DDN: variants seen among roughly 807,000 people sequenced by gnomAD.
DDN encodes dendrin.
DDN carries 4 observed loss-of-function variants against 7.3 expected under a neutral mutation model. That is an observed-to-expected ratio of 0.55 (90% CI 0.27 to 1.25). The LOEUF is 1.25. Among genes scored for constraint, DDN ranks in the 50% most tolerant of loss-of-function variants. DDN has a pLI of 0.12. For synonymous variants in DDN, 425 were observed against 424.3 expected (o/e 1.00, Z -0.02); for missense variants, 933 against 974.7 (o/e 0.96, Z 0.57).
At position 48,996,928 on chromosome 12, in the gene DDN, C is replaced by T. The variant is rs1941213462; in HGVS notation, c.1948G>A (p.Gly650Ser). Residue 650 changes from glycine (G) to serine (S), a missense_variant, in exon 2 of 2, where the codon GGC becomes AGC. Gly to Ser is a moderately conservative substitution (Grantham distance 56). Transcript: ENST00000421952. ...GTCCTCTCATTCCGCCAGGAGGCGC[C>T]CGGGGCTTCTGTGTCGCTTCCATCA... Reference protein sequence around the residue: ...SSDGSDTEAPGASWRNERTLP... With the variant: ...SSDGSDTEAPSASWRNERTLP... 3 of 1,602,632 alleles carry T rather than the reference C, an allele frequency of 1.9e-6. No individual in the cohort carries two copies. Among genetic ancestry groups the T allele is most frequent in the Non-Finnish European group, 1.7e-6 (2 of 1,174,134 alleles).
At chr12:48,999,015 C>T in intron 1 of DDN, 64 bp downstream of exon 1, 1 of 1,552,318 alleles carries the variant, frequency 6.4e-7, no homozygotes, top group South Asian at 1.1e-5. Context: ...CTGGTGCCTG[C>T]GGGGAGGTCC....
chr12:48,996,496 G>C lies in DDN; in HGVS notation c.*244C>G, dbSNP rs1262098777. 5.3e-6 allele frequency: 3 copies of C among 568,284 alleles called. No individual in the cohort carries two copies. Among genetic ancestry groups the C allele is most frequent in the Non-Finnish European group, 8.6e-6 (3 of 349,654 alleles). The allele number at this position is 568,284 out of a possible 1,614,324, so 35.2% of individuals were successfully genotyped here. On this transcript the variant is annotated 3_prime_UTR_variant, in exon 2 of 2. Coordinates refer to ENST00000421952, the MANE Select transcript of DDN (RefSeq NM_015086.2). ...CCACACCCAGTGCATCAGCCCCTGC[G>C]AAGAGCTCACCCTTGTGCCCTGAAC...
rs1298364633 is a variant in DDN, at chr12:48,998,003, T to C, written c.873A>G (p.Gln291=). 3.1e-6 allele frequency: 5 copies of C among 1,613,524 alleles called. No individual in the cohort carries two copies. Among genetic ancestry groups the C allele is most frequent in the Non-Finnish European group, 4.2e-6 (5 of 1,180,010 alleles). The change falls in exon 2 of 2, where the codon CAA becomes CAG. Residue 291 remains glutamine (Q), a synonymous_variant. Coordinates refer to ENST00000421952, the MANE Select transcript of DDN (RefSeq NM_015086.2). ...VLGAWGLRQG[Q]GLLGGSPGCG... is the part of the protein sequence containing the mutation. ...AGCCTGGGGATCCCCCCAAGAGACC[T>C]TGCCCCTGTCGGAGACCCCAAGCCC... is the stretch of plus-strand genomic sequence containing the variant.
In DDN at chr12:48,997,841, T is replaced by C. The variant is rs1481576286; in HGVS notation, c.1035A>G (p.Ile345Met). 6.2e-6 allele frequency: 10 copies of C among 1,613,728 alleles called. No homozygotes were observed. In the South Asian group the frequency reaches 1.1e-4, roughly 18 times the overall value. Residue 345 changes from isoleucine to methionine, a missense_variant, in exon 2 of 2, where the codon ATA becomes ATG. Physicochemically the swap from Ile to Met is conservative, Grantham distance 10 (BLOSUM62 1). Transcript: ENST00000421952. The part of the protein sequence containing the change: ...AKATGSAGTE[I>M]APAGSATAAP... ...CCGCAGTTGCAGACCCCGCAGGAGC[T>C]ATCTCGGTGCCTGCGCTCCCTGTAG... is the stretch of plus-strand genomic sequence containing the variant.
rs1212588523 is a variant in DDN at position 48,998,661 on chromosome 12, C to T, written c.215G>A (p.Gly72Glu). Residue 72 changes from glycine to glutamate, a missense_variant, in exon 2 of 2, where the codon GGG becomes GAG. By Grantham distance (98) the Gly-to-Glu change is moderately conservative. Transcript: ENST00000421952. ...CGGCTGTGGGGATCCCGGGCGCGGC[C>T]CACACCTGGGACAATGAGCAGGAAC... is the stretch of plus-strand genomic sequence containing the variant. ...WARGFQNRTC[G>E]PRPGSPQPPP... The T allele has an allele frequency of 6.6e-7, 1 of 1,506,590 alleles. No homozygotes were observed. Among genetic ancestry groups the T allele is most frequent in the African/African-American group, 1.4e-5 (1 of 70,458 alleles). The allele number at this position is 1,506,590 out of a possible 1,614,324, so 93.3% of individuals were successfully genotyped here.
Position 48,999,186 on chromosome 12 carries a change from C to A in DDN, c.102G>T (p.Leu34Phe). 1 of 1,613,290 alleles carries A rather than the reference C, an allele frequency of 6.2e-7. No individual in the cohort carries two copies. The highest frequency in any genetic ancestry group is 8.5e-7 in the Non-Finnish European group (1 of 1,179,680). ...AGGAAATAGTCTTCACTTCTATCAC[C>A]AATAGCTTGGACTTCTGCACCCAGA... ...SCLWVQKSKL[L>F]VIEVKTISCH... is the part of the protein sequence containing the mutation. Residue 34 changes from leucine to phenylalanine, a missense_variant, in exon 1 of 2, where the codon TTG becomes TTT. By Grantham distance (22) the Leu-to-Phe change is conservative (BLOSUM62 0). Coordinates refer to ENST00000421952, the MANE Select transcript of DDN (RefSeq NM_015086.2).
intron 1 of DDN, 21 bp downstream of exon 1, chr12:48,999,058 C>T (rs1279102256): frequency 6.2e-7 from 1 of 1,613,586 alleles, no homozygotes; most frequent in East Asian, 2.2e-5. Context: ...ACTCTCTTCC[C>T]CTCACCCCTG....
In DDN at chr12:48,999,330, CA is replaced by C; in HGVS notation, c.-44del. On this transcript the variant is annotated 5_prime_UTR_variant, in exon 1 of 2. Transcript: ENST00000421952. Reference sequence around the variant, plus strand: ...CGGCCCCCCACCCTCCCACCCGCCCCAGGAGCCCCCTCCCAGCCCAGGGAGC... The same window carrying C: ...CGGCCCCCCACCCTCCCACCCGCCCCGGAGCCCCCTCCCAGCCCAGGGAGC... 1 of 1,485,294 alleles carries C rather than the reference CA, an allele frequency of 6.7e-7. No individual in the cohort carries two copies. Among genetic ancestry groups the C allele is most frequent in the Non-Finnish European group, 8.9e-7 (1 of 1,118,820 alleles). 92.0% of individuals were successfully genotyped at this position (1,485,294 alleles called of 1,614,324 possible).
At position 48,996,967 on chromosome 12, in the gene DDN, G is replaced by A; in HGVS notation, c.1909C>T (p.His637Tyr). Residue 637 changes from histidine (H) to tyrosine (Y), a missense_variant, in exon 2 of 2, where the codon CAT (histidine) becomes TAT (tyrosine). His to Tyr is a moderately conservative substitution (Grantham distance 83). Coordinates refer to ENST00000421952, the MANE Select transcript of DDN (RefSeq NM_015086.2). The stretch of plus-strand genomic sequence containing the variant: ...TCGCTTCCATCAGAGGAGCCGCTAT[G>A]GACGCTGAGCTCCTCAGCTTCGTCC... ...DTDEAEELSV[H>Y]SGSSDGSDTE... 1.3e-6 allele frequency: 2 copies of A among 1,575,590 alleles called. No homozygotes were observed. Among genetic ancestry groups the A allele is most frequent in the South Asian group, 2.3e-5 (2 of 87,872 alleles).
chr12:48,998,580 G>A lies in DDN; in HGVS notation c.296C>T (p.Ala99Val). 1 of 1,588,988 alleles carries A rather than the reference G, an allele frequency of 6.3e-7. No individual in the cohort carries two copies. The highest frequency in any genetic ancestry group is 8.5e-7 in the Non-Finnish European group (1 of 1,175,246). ...RVLQEATNWRAGPLAEVRARE... is the reference protein window; with the variant it reads ...RVLQEATNWRVGPLAEVRARE... ...AGCTCGGACCTCGGCCAGGGGCCCC[G>A]CCCGCCAGTTGGTCGCCTCCTGCAG... Residue 99 changes from alanine to valine, a missense_variant, in exon 2 of 2, where the codon GCG becomes GTG. Physicochemically the swap from Ala to Val is moderately conservative, Grantham distance 64 (BLOSUM62 0). Transcript: ENST00000421952.
At position 48,996,152 on chromosome 12, in the gene DDN, T is replaced by G. The variant is rs1421481811; in HGVS notation, c.*588A>C. The G allele has an allele frequency of 1.3e-5, 2 of 152,362 alleles. No homozygotes were observed. The highest frequency in any genetic ancestry group is 4.8e-5 in the African/African-American group (2 of 41,424). 9.4% of individuals were successfully genotyped at this position (152,362 alleles called of 1,614,324 possible). On this transcript the variant is annotated 3_prime_UTR_variant, in exon 2 of 2. Transcript: ENST00000421952. ...AGGATGGACCTTAGAATACCATCAT[T>G]TTATATACCAGGAGGCCTGGAGGCC...
At chr12:48,998,925 C>G (rs539195563) in intron 1 of DDN, among the ~76,000 whole-genome samples, 154 bp downstream of exon 1, 12 of 152,318 alleles carry the variant, frequency 7.9e-5, no homozygotes, top group African/African-American at 2.9e-4. Context: ...CCCCAAACAA[C>G]GGGATGAGTC....
In DDN at chr12:48,996,866, A is replaced by T; in HGVS notation, c.2010T>A (p.Asp670Glu). 1.9e-6 allele frequency: 3 copies of T among 1,614,144 alleles called. No individual in the cohort carries two copies. The highest frequency in any genetic ancestry group is 2.5e-6 in the Non-Finnish European group (3 of 1,180,024). The change falls in exon 2 of 2, where the codon GAT (aspartate) becomes GAA (glutamate). Residue 670 changes from aspartate (D) to glutamate (E), a missense_variant. By Grantham distance (45) the Asp-to-Glu change is conservative. Coordinates refer to ENST00000421952, the MANE Select transcript of DDN (RefSeq NM_015086.2). ...TGTCGCTCAGTTCCGCTGTCTTCCC[A>T]TCTTCCTCTGGCGAACTGTTTCCAA... is the stretch of plus-strand genomic sequence containing the variant. Reference protein sequence around the residue: ...PEVGNSSPEEDGKTAELSDSV... With the variant: ...PEVGNSSPEEEGKTAELSDSV...
In DDN at chr12:48,998,256, A is replaced by G; in HGVS notation, c.620T>C (p.Leu207Pro). 6.2e-7 allele frequency: 1 copy of G among 1,610,632 alleles called. No individual in the cohort carries two copies. The highest frequency in any genetic ancestry group is 8.5e-7 in the Non-Finnish European group (1 of 1,178,812). Residue 207 changes from leucine (L) to proline (P), a missense_variant, in exon 2 of 2, where the codon CTG becomes CCG. Physicochemically the swap from Leu to Pro is moderately conservative, Grantham distance 98 (BLOSUM62 -3). Coordinates refer to ENST00000421952, the MANE Select transcript of DDN (RefSeq NM_015086.2). ...RPGPPSYEAHLLLRGSAGTAP... is the reference protein window; with the variant it reads ...RPGPPSYEAHPLLRGSAGTAP... ...GGTCCCGGCAGAACCTCTCAGCAGC[A>G]GGTGAGCCTCGTAGCTTGGGGGCCC...
chr12:48,999,184 A>G lies in DDN; in HGVS notation c.104T>C (p.Val35Ala). Residue 35 changes from valine to alanine, a missense_variant, in exon 1 of 2, where the codon GTG becomes GCG. Transcript: ENST00000421952. ...CLWVQKSKLLVIEVKTISCHY... is the reference protein window; with the variant it reads ...CLWVQKSKLLAIEVKTISCHY... The stretch of plus-strand genomic sequence containing the variant: ...ACAGGAAATAGTCTTCACTTCTATC[A>G]CCAATAGCTTGGACTTCTGCACCCA... 6.2e-7 allele frequency: 1 copy of G among 1,613,186 alleles called. No individual in the cohort carries two copies. Among genetic ancestry groups the G allele is most frequent in the Non-Finnish European group, 8.5e-7 (1 of 1,179,654 alleles).
rs780655827 is a variant in DDN, at chr12:48,997,886, G to A, written c.990C>T (p.Asp330=). ...CTGTAGCTTTGGCTTGGGGATGGCT[G>A]TCGCTACCACTGTTCAGGTCAGCAG... The part of the protein sequence containing the change: ...LAAADLNSGS[D]SHPQAKATGS... The change falls in exon 2 of 2, where the codon GAC becomes GAT. Residue 330 remains aspartate (D), a synonymous_variant. Transcript: ENST00000421952. 8.7e-6 allele frequency: 14 copies of A among 1,612,678 alleles called. No homozygotes were observed. The Admixed American group carries it at 1.8e-4, about 21-fold the overall frequency.
Position 48,996,917 on chromosome 12 carries a change from C to G in DDN, c.1959G>C (p.Trp653Cys). ...CCTCGGGCAGGGTCCTCTCATTCCGCCAGGAGGCGCCCGGGGCTTCTGTGT... is the reference window on the plus strand; with the variant it reads ...CCTCGGGCAGGGTCCTCTCATTCCGGCAGGAGGCGCCCGGGGCTTCTGTGT... ...GSDTEAPGASWRNERTLPEVG... is the reference protein window; with the variant it reads ...GSDTEAPGASCRNERTLPEVG... Residue 653 changes from tryptophan (W) to cysteine (C), a missense_variant, in exon 2 of 2, where the codon TGG becomes TGC. By Grantham distance (215) the Trp-to-Cys change is radical. Coordinates refer to ENST00000421952, the MANE Select transcript of DDN (RefSeq NM_015086.2). The G allele has an allele frequency of 6.2e-7, 1 of 1,608,762 alleles. No homozygotes were observed. Among genetic ancestry groups the G allele is most frequent in the Non-Finnish European group, 8.5e-7 (1 of 1,177,330 alleles).
Position 48,997,562 on chromosome 12 carries a change from G to A in DDN, c.1314C>T (p.Thr438=), listed in dbSNP as rs756663214. The A allele has an allele frequency of 1.4e-5, 22 of 1,599,020 alleles. No homozygotes were observed. In the East Asian group the frequency reaches 3.1e-4, roughly 23 times the overall value. The part of the protein sequence containing the change: ...EGWKATRRAH[T]LPRSSQGLSR... ...ACAGGCCCTGGGAACTGCGGGGCAAGGTGTGGGCACGGCGGGTCGCCTTCC... is the reference window on the plus strand; with the variant it reads ...ACAGGCCCTGGGAACTGCGGGGCAAAGTGTGGGCACGGCGGGTCGCCTTCC... The change falls in exon 2 of 2, where the codon ACC becomes ACT. Residue 438 remains threonine (T), a synonymous_variant. Coordinates refer to ENST00000421952, the MANE Select transcript of DDN (RefSeq NM_015086.2).
Position 48,998,380 on chromosome 12 carries a change from C to G in DDN, c.496G>C (p.Glu166Gln). Residue 166 changes from glutamate (E) to glutamine (Q), a missense_variant, in exon 2 of 2, where the codon GAG becomes CAG. Glu to Gln is a conservative substitution (Grantham distance 29). Coordinates refer to ENST00000421952, the MANE Select transcript of DDN (RefSeq NM_015086.2). ...GCTCGCCCCACAGGCGCCAGGCGCTCCGGCCGCAAGGGAGCAGGGAGCCCT... is the reference window on the plus strand; with the variant it reads ...GCTCGCCCCACAGGCGCCAGGCGCTGCGGCCGCAAGGGAGCAGGGAGCCCT... ...LAGLPAPLRP[E>Q]RLAPVGRAPR... The G allele has an allele frequency of 6.7e-7, 1 of 1,494,416 alleles. No homozygotes were observed. The highest frequency in any genetic ancestry group is 8.8e-7 in the Non-Finnish European group (1 of 1,130,484). The allele number at this position is 1,494,416 out of a possible 1,614,324, so 92.6% of individuals were successfully genotyped here. A position where few individuals can be genotyped will look rare whatever the true frequency, so the allele number is the denominator to read the frequency against.
Sources: gnomAD v4.1 joint callset for allele counts (sites outside exome capture counted in the v4.1 genomes callset) on GRCh38, gnomAD v4.1.1 for gene constraint, MANE v1.5 for transcripts, NCBI Gene and HGNC (gene_info 2026-07-23, HGNC 2026-07-21) for gene names.